The following FRMD5 variants were observed in gnomAD, a reference collection of about 807,000 sequenced individuals.
The protein encoded by FRMD5 is FERM domain-containing protein 5.
Under a neutral mutation model 69.0 loss-of-function variants are expected in FRMD5, and 20 were observed. The observed-to-expected ratio is 0.29, with a 90% CI of 0.20 to 0.42. FRMD5 has a LOEUF of 0.42. Among genes scored for constraint, FRMD5 ranks in the 10% least tolerant of loss-of-function variants. The pLI is 1.00. For missense variants in FRMD5, 595 were observed against 708.6 expected, an observed-to-expected ratio of 0.84 and a Z score of 1.82; for synonymous variants, 271 against 260.1, an observed-to-expected ratio of 1.04 and a Z score of -0.40.
At chr15:43,879,205 G>A (rs1009882335) in intron 13 of FRMD5, among the ~76,000 whole-genome samples, 2 of 152,058 alleles carry the variant, frequency 1.3e-5, no homozygotes, top group Non-Finnish European at 2.9e-5. Context: ...CCAAAGTGCT[G>A]GGATTACAGG....
intron 1 of FRMD5, among the ~76,000 whole-genome samples, chr15:43,951,608 C>T (rs2090030224): frequency 1.3e-5 from 2 of 152,182 alleles, no homozygotes; most frequent in Non-Finnish European, 2.9e-5. Flanking sequence ...CTGAATTCCC[C>T]ACACACCAGA....
At chr15:44,092,519 T>G (rs560875588) in intron 1 of FRMD5, among the ~76,000 whole-genome samples, 1 of 152,288 alleles carries the variant, frequency 6.6e-6, no homozygotes, top group East Asian at 1.9e-4. Context: ...CTCATGAAGC[T>G]TACATTCTAA....
chr15:43,976,153 T>C (rs1595579164), intron 1 of FRMD5, among the ~76,000 whole-genome samples: 1 of 147,810 alleles, frequency 6.8e-6, no homozygotes, highest in Non-Finnish European at 1.5e-5. Context: ...TAGACCAAAA[T>C]GTACAACATA....
chr15:44,181,304 A>C (rs1330696641), intron 1 of FRMD5, among the ~76,000 whole-genome samples: 1 of 151,990 alleles, frequency 6.6e-6, no homozygotes, highest in Admixed American at 6.6e-5. Context: ...TCAGCCTCCC[A>C]AAGTGTTGGA....
intron 1 of FRMD5, among the ~76,000 whole-genome samples, chr15:44,090,124 T>G (rs1333818595): frequency 6.6e-6 from 1 of 152,156 alleles, no homozygotes; most frequent in Non-Finnish European, 1.5e-5. Flanking sequence ...ATCCTGAAGT[T>G]GAGGCCAAGA....
At chr15:43,996,738 T>TTTTTAC (rs1889948081) in intron 1 of FRMD5, among the ~76,000 whole-genome samples, 1 of 123,592 alleles carries the variant, frequency 8.1e-6, no homozygotes, top group Non-Finnish European at 1.7e-5. Flanking sequence ...TTTTTTTTTG[T>TTTTTAC]ATACCAGTTT....
At chr15:44,013,568 A>C (rs1483780681) in intron 1 of FRMD5, among the ~76,000 whole-genome samples, 1 of 152,242 alleles carries the variant, frequency 6.6e-6, no homozygotes, top group Non-Finnish European at 1.5e-5. Flanking sequence ...GTGTAGGCCT[A>C]TACTATTCTG....
At position 44,120,225 on chromosome 15, in the gene FRMD5, T is replaced by C. The variant is rs115497622; in HGVS notation, c.102+74728A>G. 4.7e-3 allele frequency among the ~76,000 whole-genome samples: 713 copies of C among 152,108 alleles called. 12 individuals carry two copies. Among genetic ancestry groups the C allele is most frequent in the African/African-American group, 0.016 (681 of 41,494 alleles). On this transcript the variant is annotated intron_variant, in intron 1 of 13. Coordinates refer to ENST00000417257, the MANE Select transcript of FRMD5 (RefSeq NM_032892.5). ...AGGGGCATACTGAGTTTTAGAAAGA[T>C]CTCTCTGGAATCACTTTGCCAGAAA...
intron 1 of FRMD5, among the ~76,000 whole-genome samples, chr15:44,011,837 C>T (rs906345055): frequency 1.3e-5 from 2 of 152,120 alleles, no homozygotes; most frequent in Admixed American, 6.6e-5. Context: ...GAGGTCACAA[C>T]AGAAAATGCT....
At chr15:44,148,203 A>T (rs2077385270) in intron 1 of FRMD5, among the ~76,000 whole-genome samples, 1 of 152,200 alleles carries the variant, frequency 6.6e-6, no homozygotes, top group South Asian at 2.1e-4. Context: ...AAATAATAAA[A>T]TAAGTAAATA....
intron 1 of FRMD5, among the ~76,000 whole-genome samples, chr15:43,980,986 CAT>C (rs1412107411): frequency 1.3e-5 from 2 of 152,148 alleles, no homozygotes; most frequent in African/African-American, 4.8e-5. Flanking sequence ...TTACTGATAA[CAT>C]AGTCAATTTA....
At chr15:44,111,903 T>A (rs1399755004) in intron 1 of FRMD5, among the ~76,000 whole-genome samples, 2 of 151,930 alleles carry the variant, frequency 1.3e-5, no homozygotes, top group Non-Finnish European at 1.5e-5. Context: ...CAGGCTGGAA[T>A]GCAGCGGCAC....
chr15:44,195,034 G>T lies in FRMD5; in HGVS notation c.21C>A (p.Ser7Arg), dbSNP rs756973569. 2.4e-5 allele frequency: 37 copies of T among 1,551,688 alleles called. No homozygotes were observed. The highest frequency in any genetic ancestry group is 2.8e-5 in the African/African-American group (2 of 71,876). MLSRLM[S>R]GSSRSLEREY... is the part of the protein sequence containing the mutation. ...CGCGCTCCAGGCTCCTGCTGCTGCC[G>T]CTCATCAACCTGCTCAGCATCTTCC... The change falls in exon 1 of 14, where the codon AGC (serine) becomes AGA (arginine). Residue 7 changes from serine (S) to arginine (R), a missense_variant. Ser to Arg is a moderately radical substitution (Grantham distance 110). Around this residue, in one of 5 missense-constraint regions of FRMD5, gnomAD observed 44 missense variants for 33.6 expected, o/e 1.31. Transcript: ENST00000417257.
chr15:44,111,423 C>T (rs551950436), intron 1 of FRMD5, among the ~76,000 whole-genome samples: 60 of 152,220 alleles, frequency 3.9e-4, no homozygotes, highest in Non-Finnish European at 4.6e-4. Context: ...ACTGCTCCTG[C>T]AAGGGCCCGA....
chr15:44,068,549 T>C (rs1893405612), intron 1 of FRMD5, among the ~76,000 whole-genome samples: 1 of 152,142 alleles, frequency 6.6e-6, no homozygotes, highest in Non-Finnish European at 1.5e-5. Flanking sequence ...GGCAATTTGA[T>C]AGAGAAAGAA....
intron 1 of FRMD5, among the ~76,000 whole-genome samples, chr15:44,028,024 C>T (rs947822258): frequency 6.6e-6 from 1 of 152,140 alleles, no homozygotes; most frequent in African/African-American, 2.4e-5. Flanking sequence ...GAAAGTCACA[C>T]ATTTAAGCCT....
intron 1 of FRMD5, among the ~76,000 whole-genome samples, chr15:44,105,501 A>G (rs2076704493): frequency 6.6e-6 from 1 of 152,210 alleles, no homozygotes; most frequent in South Asian, 2.1e-4. Flanking sequence ...AGACTGTGGG[A>G]AATACATTTC....
intron 1 of FRMD5, among the ~76,000 whole-genome samples, chr15:43,950,806 G>A (rs562784518): frequency 7.2e-5 from 11 of 152,168 alleles, no homozygotes; most frequent in Non-Finnish European, 1.2e-4. Flanking sequence ...TTTAATAACC[G>A]GAGAGGCTGG....
intron 1 of FRMD5, among the ~76,000 whole-genome samples, chr15:43,941,865 C>G (rs1243496096): frequency 1.3e-5 from 2 of 152,154 alleles, no homozygotes; most frequent in East Asian, 3.8e-4. Context: ...TGAAATACAT[C>G]TGAAGACGTA....
Sources: gnomAD v4.1 joint callset for allele counts (sites outside exome capture counted in the v4.1 genomes callset) on GRCh38, gnomAD v4.1.1 for gene constraint, gnomAD v4.1.1 regional missense constraint, MANE v1.5 for transcripts, NCBI Gene and HGNC (gene_info 2026-07-23, HGNC 2026-07-21) for gene names.